NCOA3: variants seen among roughly 807,000 people sequenced by gnomAD.
The protein encoded by NCOA3 is nuclear receptor coactivator 3.
In NCOA3, 51 loss-of-function variants were observed where a neutral mutation model predicts 158.8. The ratio of observed to expected loss-of-function variants is 0.32; its 90% CI spans 0.26 to 0.41. NCOA3 has a LOEUF of 0.41. Ranked by LOEUF, NCOA3 falls within the 10% of genes least tolerant of loss-of-function variation. The pLI, the probability that NCOA3 is intolerant of heterozygous loss-of-function variation, is 1.00. For missense variants in NCOA3, 1,510 were observed against 1,746.6 expected (o/e 0.86, Z 2.41); for synonymous variants, 537 against 592.4 (o/e 0.91, Z 1.36).
At chr20:47,525,666 A>AC (rs1259110722) in intron 1 of NCOA3, among the ~76,000 whole-genome samples, 123 of 86,358 alleles carry the variant, frequency 1.4e-3, no homozygotes, top group East Asian at 2.4e-3. Context: ...GGGGGGGCTG[A>AC]CCCCCCCCAC....
rs557536943 is a variant in NCOA3 at position 47,614,631 on chromosome 20, A to G, written c.-19-7598A>G. Among the ~76,000 whole-genome samples the G allele has an allele frequency of 2.8e-4, 42 of 152,302 alleles. No individual in the cohort carries two copies. The South Asian group carries it at 8.1e-3, about 29-fold the overall frequency. On this transcript the variant is annotated intron_variant, in intron 2 of 22. Transcript: ENST00000371998. ...GTGGCTCCACCATTTAATGATAGCA[A>G]ACCAAAGAATAACAATACTTGACTG... is the stretch of plus-strand genomic sequence containing the variant.
chr20:47,651,296 T>C lies in NCOA3; in HGVS notation c.3946+20T>C. The C allele has an allele frequency of 6.3e-7, 1 of 1,586,012 alleles. No individual in the cohort carries two copies. Among genetic ancestry groups the C allele is most frequent in the Non-Finnish European group, 8.6e-7 (1 of 1,161,896 alleles). ...ATTATGGTAAATCTGACAATGAAAA[T>C]GTGCCTTCCCCAAGTTAACATTACT... On this transcript the variant is annotated intron_variant, in intron 20 of 22. Transcript: ENST00000371998.
At chr20:47,522,712 C>CACGTGGGGAT (rs1357819940) in intron 1 of NCOA3, among the ~76,000 whole-genome samples, 2 of 151,974 alleles carry the variant, frequency 1.3e-5, no homozygotes, top group African/African-American at 4.8e-5. Flanking sequence ...ATGTTCTACA[C>CACGTGGGGAT]ACGTGGGGAT....
intron 1 of NCOA3, among the ~76,000 whole-genome samples, chr20:47,540,202 A>G (rs140806696): frequency 1.1e-4 from 17 of 152,264 alleles, no homozygotes; most frequent in African/African-American, 3.1e-4. Context: ...AAGATAGTCA[A>G]CTTTGGCTTG....
intron 1 of NCOA3, among the ~76,000 whole-genome samples, chr20:47,570,966 ACAC>A (rs1255315568): frequency 7.3e-6 from 1 of 136,940 alleles, no homozygotes. Flanking sequence ...ACACACACAC[ACAC>A]AAGTATATAC....
At chr20:47,524,356 AAG>A (rs1254812733) in intron 1 of NCOA3, among the ~76,000 whole-genome samples, 3 of 152,250 alleles carry the variant, frequency 2.0e-5, no homozygotes, top group African/African-American at 7.2e-5. Flanking sequence ...TAGAAAGAGA[AAG>A]AAAGTTTGGC....
chr20:47,568,220 T>G (rs998808398), intron 1 of NCOA3, among the ~76,000 whole-genome samples: 50 of 152,220 alleles, frequency 3.3e-4, no homozygotes, highest in African/African-American at 1.2e-3. Context: ...GGTACTTGAA[T>G]AAAACCAGGG....
chr20:47,580,695 G>C (rs2085439322), intron 1 of NCOA3, among the ~76,000 whole-genome samples: 1 of 152,012 alleles, frequency 6.6e-6, no homozygotes, highest in Non-Finnish European at 1.5e-5. Context: ...AGTCAAACCT[G>C]ATTTAAAACA....
At chr20:47,563,037 C>T (rs532558656) in intron 1 of NCOA3, among the ~76,000 whole-genome samples, 15 of 152,342 alleles carry the variant, frequency 9.8e-5, no homozygotes, top group Non-Finnish European at 2.1e-4. Context: ...TGAGCCAACA[C>T]GCCTGGCTAA....
rs1010658619 is a variant in NCOA3 at position 47,637,891 on chromosome 20, A to G, written c.2512+108A>G. On this transcript the variant is annotated intron_variant, in intron 13 of 22. Coordinates refer to ENST00000371998, the MANE Select transcript of NCOA3 (RefSeq NM_181659.3). ...GGATATAAATAGCATTTATAACTTC[A>G]GAACATATATTCTGCCTCTGTTTTC... 23 of 995,718 alleles carry G rather than the reference A, an allele frequency of 2.3e-5. No homozygotes were observed. The Middle Eastern group carries it at 8.0e-4, about 35-fold the overall frequency. The allele number at this position is 995,718 out of a possible 1,614,324, so 61.7% of individuals were successfully genotyped here.
intron 7 of NCOA3, 62 bp from the exon 8 acceptor site, chr20:47,627,860 T>C: frequency 6.4e-7 from 1 of 1,573,946 alleles, no homozygotes; most frequent in Non-Finnish European, 8.7e-7. Flanking sequence ...TTTGCTTGCC[T>C]ATTGAACATA....
rs184705644 is a variant in NCOA3 at position 47,653,309 on chromosome 20, T to C, written c.4264-97T>C. ...CTGAATCACTCAGCCAGAGCTGCAC[T>C]GTAAGCCATGAATGTGGACATGGGT... On this transcript the variant is annotated intron_variant, in intron 22 of 22. Transcript: ENST00000371998. The C allele has an allele frequency of 5.9e-4, 845 of 1,443,826 alleles. 2 individuals carry two copies. The highest frequency in any genetic ancestry group is 3.8e-4 in the Non-Finnish European group (405 of 1,053,728). The allele number at this position is 1,443,826 out of a possible 1,614,324, so 89.4% of individuals were successfully genotyped here. A position where few individuals can be genotyped will look rare whatever the true frequency, so the allele number is the denominator to read the frequency against.
At chr20:47,650,848 G>C (rs2086772717) in intron 19 of NCOA3, 134 bp from the exon 20 acceptor site, 12 of 844,464 alleles carry the variant, frequency 1.4e-5, no homozygotes, top group Non-Finnish European at 2.3e-5. Context: ...GGGCGACAGA[G>C]TGAGACCCTG....
At chr20:47,553,797 A>T (rs888300040) in intron 1 of NCOA3, among the ~76,000 whole-genome samples, 19 of 152,058 alleles carry the variant, frequency 1.2e-4, no homozygotes, top group Non-Finnish European at 1.9e-4. Flanking sequence ...CCAGTCTGTC[A>T]CTGTTGGACA....
chr20:47,567,664 G>A (rs978910518), intron 1 of NCOA3, among the ~76,000 whole-genome samples: 2 of 152,044 alleles, frequency 1.3e-5, no homozygotes, highest in African/African-American at 4.8e-5. Flanking sequence ...CTGCCTCCTG[G>A]GTTCAAGTGA....
intron 1 of NCOA3, among the ~76,000 whole-genome samples, chr20:47,561,299 C>CTTT (rs34668605): frequency 5.9e-5 from 7 of 117,744 alleles, no homozygotes; most frequent in African/African-American, 2.0e-4. Flanking sequence ...TTCAAGTTGA[C>CTTT]TTTTTTTTTT....
intron 1 of NCOA3, among the ~76,000 whole-genome samples, chr20:47,542,009 G>GTTTTTTTGCTTTTTTTTTTTTTTTTTT (rs71183262): frequency 3.6e-5 from 2 of 56,316 alleles, no homozygotes; most frequent in African/African-American, 1.5e-4. Flanking sequence ...GCCCTGTAGA[G>GTTTTTTTGCTTTTTTTTTTTTTTTTTT]TTTTTTTTTT....
At chr20:47,509,910 T>G (rs1219763725) in intron 1 of NCOA3, among the ~76,000 whole-genome samples, 1 of 152,208 alleles carries the variant, frequency 6.6e-6, no homozygotes, top group Non-Finnish European at 1.5e-5. Context: ...TGTGTTAATC[T>G]CAATTGAGGT....
At chr20:47,518,822 T>G (rs1206882) in intron 1 of NCOA3, among the ~76,000 whole-genome samples, 1 of 152,052 alleles carries the variant, frequency 6.6e-6, no homozygotes, top group East Asian at 1.9e-4. Context: ...CTGACTCACA[T>G]GCACACGAAC....
Sources: allele counts gnomAD v4.1 joint callset (sites outside exome capture counted in the v4.1 genomes callset), GRCh38; gene constraint gnomAD v4.1.1; transcripts MANE v1.5; gene names NCBI Gene and HGNC (gene_info 2026-07-23, HGNC 2026-07-21).